Variants in ADAM29 observed in about 807,000 individuals in gnomAD.
The protein encoded by ADAM29 is disintegrin and metalloproteinase domain-containing protein 29.
For missense variants in ADAM29, 969 were observed against 1,001.8 expected (o/e 0.97, Z 0.44); for synonymous variants, 367 against 342.3 (o/e 1.07, Z -0.80).
Position 174,975,367 on chromosome 4 carries a change from A to G in ADAM29, c.-159A>G. ...ATAGTGCTGCAGCTCTGATGGTTCA[A>G]CTCTGCCAAAAGATGGATCTTTAAT... On this transcript the variant is annotated 5_prime_UTR_variant, in exon 5 of 5. Coordinates refer to ENST00000359240, the MANE Select transcript of ADAM29 (RefSeq NM_014269.4). The G allele has an allele frequency of 1.9e-6, 1 of 538,346 alleles. No individual in the cohort carries two copies. The highest frequency in any genetic ancestry group is 3.0e-6 in the Non-Finnish European group (1 of 337,420). The allele number at this position is 538,346 out of a possible 1,614,324, so 33.3% of individuals were successfully genotyped here.
chr4:174,950,926 A>G (rs10032174), intron 4 of ADAM29, among the ~76,000 whole-genome samples: 81,119 of 151,840 alleles, frequency 0.53, 22,379 homozygotes, highest in Non-Finnish European at 0.59. Context: ...CCCATGGTAA[A>G]ACATGCTTGC....
chr4:174,959,245 T>C (rs1745674134), intron 4 of ADAM29, among the ~76,000 whole-genome samples: 1 of 151,868 alleles, frequency 6.6e-6, no homozygotes. Flanking sequence ...GAATTCTAGG[T>C]TGGCAGGGAT....
chr4:174,941,362 A>G (rs1744527052), intron 4 of ADAM29, among the ~76,000 whole-genome samples: 1 of 152,170 alleles, frequency 6.6e-6, no homozygotes, highest in South Asian at 2.1e-4. Flanking sequence ...GGTTCCCTAT[A>G]TCAAATTTAA....
chr4:174,967,332 T>G (rs1321899662), intron 4 of ADAM29, among the ~76,000 whole-genome samples: 1 of 152,162 alleles, frequency 6.6e-6, no homozygotes, highest in African/African-American at 2.4e-5. Flanking sequence ...TTATTATTAT[T>G]ATTACTATAA....
chr4:174,956,351 A>G (rs1049502524), intron 4 of ADAM29, among the ~76,000 whole-genome samples: 7 of 151,994 alleles, frequency 4.6e-5, no homozygotes, highest in African/African-American at 1.2e-4. Flanking sequence ...GTTTCAGTTT[A>G]ATTTTTTAGT....
intron 4 of ADAM29, among the ~76,000 whole-genome samples, chr4:174,953,684 T>C (rs185790399): frequency 3.2e-4 from 48 of 152,240 alleles, no homozygotes; most frequent in African/African-American, 1.1e-3. Flanking sequence ...GCAGGAAAAA[T>C]TGGTACATTA....
chr4:174,932,744 GA>G (rs34577577), intron 3 of ADAM29, among the ~76,000 whole-genome samples: 5 of 152,030 alleles, frequency 3.3e-5, no homozygotes, highest in African/African-American at 1.2e-4. Flanking sequence ...ATTTTGCAGT[GA>G]AAAAAGGGGA....
At chr4:174,950,533 CTA>C (rs1242938273) in intron 4 of ADAM29, among the ~76,000 whole-genome samples, 1 of 152,166 alleles carries the variant, frequency 6.6e-6, no homozygotes, top group Non-Finnish European at 1.5e-5. Context: ...CTAACTATTG[CTA>C]TATGTAACTT....
intron 4 of ADAM29, among the ~76,000 whole-genome samples, chr4:174,971,997 T>C (rs1746505045): frequency 6.6e-6 from 1 of 152,200 alleles, no homozygotes; most frequent in South Asian, 2.1e-4. Flanking sequence ...TATTAAATAA[T>C]TTAATTCAGT....
At chr4:174,955,200 A>G (rs1045707181) in intron 4 of ADAM29, among the ~76,000 whole-genome samples, 1 of 152,084 alleles carries the variant, frequency 6.6e-6, no homozygotes, top group African/African-American at 2.4e-5. Flanking sequence ...ATGAAATCGT[A>G]TGACATATTT....
chr4:174,950,810 G>A (rs555481448), intron 4 of ADAM29, among the ~76,000 whole-genome samples: 1 of 152,074 alleles, frequency 6.6e-6, no homozygotes, highest in Non-Finnish European at 1.5e-5. Flanking sequence ...GGGGGCAGAC[G>A]TCCCCCTTCT....
At chr4:174,939,103 C>CAAAG (rs2110965027) in intron 4 of ADAM29, among the ~76,000 whole-genome samples, 1 of 152,234 alleles carries the variant, frequency 6.6e-6, no homozygotes, top group East Asian at 1.9e-4. Flanking sequence ...TACTTATCTG[C>CAAAG]AAAGAGTCTT....
intron 4 of ADAM29, among the ~76,000 whole-genome samples, chr4:174,972,003 T>A (rs1186484050): frequency 1.3e-5 from 2 of 152,194 alleles, no homozygotes; most frequent in African/African-American, 4.8e-5. Context: ...ATAATTTAAT[T>A]CAGTTATTGC....
chr4:174,976,032 TG>T lies in ADAM29; in HGVS notation c.508del (p.Glu170LysfsTer2). 6.2e-7 allele frequency: 1 copy of T among 1,612,628 alleles called. No individual in the cohort carries two copies. The highest frequency in any genetic ancestry group is 8.5e-7 in the Non-Finnish European group (1 of 1,179,710). ...STMRSGFMQN[E>X]ITCRMEFEEI... ...CCATGAGATCCGGATTTATGCAAAATGAAATAACATGCCGAATGGAATTTGA... is the reference window on the plus strand; with the variant it reads ...CCATGAGATCCGGATTTATGCAAAATAAATAACATGCCGAATGGAATTTGA... On this transcript the variant is annotated frameshift_variant, in exon 5 of 5. Coordinates refer to ENST00000359240, the MANE Select transcript of ADAM29 (RefSeq NM_014269.4). LOFTEE classifies it low-confidence loss of function (END_TRUNC).
intron 4 of ADAM29, among the ~76,000 whole-genome samples, chr4:174,940,302 A>G (rs1744452349): frequency 6.6e-6 from 1 of 152,140 alleles, no homozygotes; most frequent in African/African-American, 2.4e-5. Context: ...ATTAACATGA[A>G]GGTTTGCTTA....
chr4:174,969,601 A>G (rs72996962), intron 4 of ADAM29, among the ~76,000 whole-genome samples: 7,570 of 152,028 alleles, frequency 0.05, 276 homozygotes, highest in South Asian at 0.072. Flanking sequence ...ATATAGGAAT[A>G]TTTATAGTAA....
chr4:174,945,748 A>G (rs1744809661), intron 4 of ADAM29, among the ~76,000 whole-genome samples: 1 of 152,084 alleles, frequency 6.6e-6, no homozygotes, highest in Non-Finnish European at 1.5e-5. Context: ...TTGAATAGGG[A>G]GTCATTTACC....
chr4:174,948,879 C>A (rs1048772773), intron 4 of ADAM29, among the ~76,000 whole-genome samples: 1 of 151,950 alleles, frequency 6.6e-6, no homozygotes, highest in African/African-American at 2.4e-5. Context: ...TTCACATCGG[C>A]GGTGGCAAAG....
At position 174,953,850 on chromosome 4, in the gene ADAM29, T is replaced by C. The variant is rs375617351; in HGVS notation, c.-181+16837T>C. Among the ~76,000 whole-genome samples, 8 of 152,188 alleles carry C rather than the reference T, an allele frequency of 5.3e-5. No homozygotes were observed. The East Asian group carries it at 1.4e-3, about 26-fold the overall frequency. The stretch of plus-strand genomic sequence containing the variant: ...TCAGCCTCCTGAGTAGCTGGGACTA[T>C]AGGCATGCACCACCATGCCCAGCTA... On this transcript the variant is annotated intron_variant, in intron 4 of 4. Transcript: ENST00000359240.
Sources: gnomAD v4.1 joint callset for allele counts (sites outside exome capture counted in the v4.1 genomes callset) on GRCh38, gnomAD v4.1.1 for gene constraint, MANE v1.5 for transcripts, NCBI Gene and HGNC (gene_info 2026-07-23, HGNC 2026-07-21) for gene names.